Variants in SLC30A5 observed in about 807,000 individuals in gnomAD.
The protein encoded by SLC30A5 is proton-coupled zinc antiporter SLC30A5.
Under a neutral mutation model 79.6 loss-of-function variants are expected in SLC30A5, and 33 were observed. The observed-to-expected ratio is 0.41, with a 90% confidence interval of 0.31 to 0.55. The LOEUF (loss-of-function observed/expected upper bound fraction) is 0.55, where lower values mean the gene tolerates loss of function less well. Ranked by LOEUF, SLC30A5 falls within the 20% of genes least tolerant of loss-of-function variation. The pLI, the probability that SLC30A5 is intolerant of heterozygous loss-of-function variation, is 0.20. For synonymous variants in SLC30A5, 299 were observed against 319.7 expected (o/e 0.94, Z 0.69); for missense variants, 788 against 928.1 (o/e 0.85, Z 1.96).
chr5:69,114,840 G>A (rs1392105308), intron 7 of SLC30A5, among the ~76,000 whole-genome samples: 1 of 151,994 alleles, frequency 6.6e-6, no homozygotes, highest in Non-Finnish European at 1.5e-5. Flanking sequence ...ACTCCAGCCT[G>A]GGCAACAAAA....
intron 4 of SLC30A5, among the ~76,000 whole-genome samples, chr5:69,105,859 G>A (rs901809608): frequency 6.6e-6 from 1 of 152,216 alleles, no homozygotes; most frequent in African/African-American, 2.4e-5. Flanking sequence ...GTTGTGAACT[G>A]TGCATGGGAG....
chr5:69,113,006 T>C (rs909183170), intron 5 of SLC30A5, 134 bp from the exon 6 acceptor site: 165 of 657,616 alleles, frequency 2.5e-4, no homozygotes, highest in Non-Finnish European at 2.4e-4. Flanking sequence ...TAATGTCAGA[T>C]TTTTTTCTGT....
chr5:69,107,398 T>C (rs1746107690), intron 4 of SLC30A5, among the ~76,000 whole-genome samples: 1 of 152,154 alleles, frequency 6.6e-6, no homozygotes, highest in African/African-American at 2.4e-5. Flanking sequence ...CACCACTATT[T>C]GAAGTCAAAG....
At position 69,114,423 on chromosome 5, in the gene SLC30A5, A is replaced by G; in HGVS notation, c.539A>G (p.Glu180Gly). Residue 180 changes from glutamate (E) to glycine (G), a missense_variant, in exon 7 of 16, where the codon GAA (glutamate) becomes GGA (glycine). Around this residue, in one of 3 missense-constraint regions of SLC30A5, gnomAD observed 626 missense variants for 755.5 expected, o/e 0.83. Transcript: ENST00000396591. ...DLMAKMAEHP[E>G]GHHDSALTHM... ...TCCTTTACTTCAACTCACTTAGCTG[A>G]AGGACATCATGACAGTGCTCTAACT... The G allele has an allele frequency of 6.2e-7, 1 of 1,603,674 alleles. No individual in the cohort carries two copies. The highest frequency in any genetic ancestry group is 8.5e-7 in the Non-Finnish European group (1 of 1,171,028).
chr5:69,113,694 T>C (rs889285440), intron 6 of SLC30A5, among the ~76,000 whole-genome samples: 1 of 152,186 alleles, frequency 6.6e-6, no homozygotes, highest in African/African-American at 2.4e-5. Context: ...GAAACCCAAC[T>C]TTCTAGTCAA....
chr5:69,125,264 C>T (rs1239678817), intron 14 of SLC30A5, among the ~76,000 whole-genome samples: 2 of 149,260 alleles, frequency 1.3e-5, no homozygotes, highest in African/African-American at 2.5e-5. Flanking sequence ...CGGTGGCTCA[C>T]GCCTGTAATC....
chr5:69,107,515 CTT>C (rs1746111623), intron 4 of SLC30A5, among the ~76,000 whole-genome samples: 1 of 152,024 alleles, frequency 6.6e-6, no homozygotes, highest in African/African-American at 2.4e-5. Context: ...ATTATCAAGT[CTT>C]ATGTTCTGTA....
rs1289390072 is a variant in SLC30A5, at chr5:69,116,702, A to G, written c.1281+100A>G. 2 of 750,930 alleles carry G rather than the reference A, an allele frequency of 2.7e-6. No homozygotes were observed. Among genetic ancestry groups the G allele is most frequent in the Non-Finnish European group, 3.9e-6 (2 of 514,726 alleles). The allele number at this position is 750,930 out of a possible 1,614,324, so 46.5% of individuals were successfully genotyped here. On this transcript the variant is annotated intron_variant, in intron 10 of 15. Coordinates refer to ENST00000396591, the MANE Select transcript of SLC30A5 (RefSeq NM_022902.5). This position sits in a 1 kb window ranked among gnomAD's most constrained non-coding sequence, Gnocchi z 4.0. ...AGTACTTCCCAAATTTCTGATAATA[A>G]GATGAGCTAAAATTTAAATTTTTTC...
intron 1 of SLC30A5, among the ~76,000 whole-genome samples, chr5:69,096,974 AAAAAAAACCCC>A (rs1310289691): frequency 1.1e-3 from 172 of 151,614 alleles, no homozygotes; most frequent in African/African-American, 3.9e-3. Flanking sequence ...TTCCCCTCCA[AAAAAAAACCCC>A]AAAAAAACCC....
intron 3 of SLC30A5, among the ~76,000 whole-genome samples, chr5:69,103,536 C>A (rs1437731317): frequency 6.6e-6 from 1 of 152,160 alleles, no homozygotes; most frequent in African/African-American, 2.4e-5. Context: ...CTTACTGACC[C>A]TTACTTTGGG....
chr5:69,116,260 G>T lies in SLC30A5; in HGVS notation c.1072+46G>T. 1 of 1,523,148 alleles carries T rather than the reference G, an allele frequency of 6.6e-7. No individual in the cohort carries two copies. Among genetic ancestry groups the T allele is most frequent in the South Asian group, 1.3e-5 (1 of 77,418 alleles). The allele number at this position is 1,523,148 out of a possible 1,614,324, so 94.4% of individuals were successfully genotyped here. A position where few individuals can be genotyped will look rare whatever the true frequency, so the allele number is the denominator to read the frequency against. On this transcript the variant is annotated intron_variant, in intron 9 of 15. Coordinates refer to ENST00000396591, the MANE Select transcript of SLC30A5 (RefSeq NM_022902.5). This position sits in a 1 kb window ranked among gnomAD's most constrained non-coding sequence, Gnocchi z 4.0. ...TTTATTTTAACAAATTTCTATTTAT[G>T]GATTTTGATGGTCACATCATTTACT...
chr5:69,114,852 C>T (rs926221249), intron 7 of SLC30A5, among the ~76,000 whole-genome samples: 8 of 151,886 alleles, frequency 5.3e-5, no homozygotes, highest in South Asian at 2.1e-4. Context: ...GCAACAAAAG[C>T]GAAACTCTGT....
chr5:69,102,203 A>C (rs1745947361), intron 2 of SLC30A5, among the ~76,000 whole-genome samples: 1 of 151,118 alleles, frequency 6.6e-6, no homozygotes, highest in African/African-American at 2.4e-5. Flanking sequence ...GGTGTGTCCC[A>C]CCATGGCCAG....
At chr5:69,102,512 T>A (rs1169820484) in intron 2 of SLC30A5, 2 of 152,166 alleles carry the variant, frequency 1.3e-5, no homozygotes, top group African/African-American at 2.4e-5. Flanking sequence ...ATAAAAAAAA[T>A]TGTGACTCCT....
At chr5:69,096,128 A>T (rs893528790) in intron 1 of SLC30A5, among the ~76,000 whole-genome samples, 1 of 152,148 alleles carries the variant, frequency 6.6e-6, no homozygotes, top group Non-Finnish European at 1.5e-5. Flanking sequence ...TTTATAAGAG[A>T]ATGTCCACGT....
intron 5 of SLC30A5, among the ~76,000 whole-genome samples, chr5:69,112,822 C>T (rs1177311298): frequency 6.6e-6 from 1 of 152,066 alleles, no homozygotes; most frequent in Non-Finnish European, 1.5e-5. Context: ...GCTACGTGGG[C>T]TTTTCAACCA....
At chr5:69,121,577 C>A in intron 12 of SLC30A5, 117 bp from the exon 13 acceptor site, 1 of 699,232 alleles carries the variant, frequency 1.4e-6, no homozygotes, top group Non-Finnish European at 2.3e-6. Context: ...TAAGGTTTTA[C>A]TGTGAATACT....
At chr5:69,115,808 A>T (rs16898542) in intron 8 of SLC30A5, 118 bp from the exon 9 acceptor site, 3 of 853,916 alleles carry the variant, frequency 3.5e-6, no homozygotes, top group Non-Finnish European at 5.4e-6. Flanking sequence ...ATGTTGGCAT[A>T]TTATGAATCA....
chr5:69,099,768 CAG>C (rs1745856778), intron 1 of SLC30A5, among the ~76,000 whole-genome samples: 1 of 152,202 alleles, frequency 6.6e-6, no homozygotes, highest in African/African-American at 2.4e-5. Context: ...CATTTCATAA[CAG>C]AATTTAGTTT....
Sources: gnomAD v4.1 joint callset for allele counts (sites outside exome capture counted in the v4.1 genomes callset) on GRCh38, gnomAD v4.1.1 for gene constraint, gnomAD v4.1.1 regional missense constraint, Gnocchi (gnomAD v3.1) non-coding constraint, MANE v1.5 for transcripts, NCBI Gene and HGNC (gene_info 2026-07-23, HGNC 2026-07-21) for gene names.